APC2: variants seen among roughly 807,000 people sequenced by gnomAD.
APC2 encodes the protein APC regulator of Wnt signaling pathway 2, also known as adenomatous polyposis coli protein 2.
A neutral mutation model predicts 72.5 loss-of-function variants in APC2; 41 were observed. The ratio of observed to expected loss-of-function variants is 0.57; its 90% CI spans 0.44 to 0.73. The LOEUF (loss-of-function observed/expected upper bound fraction) is 0.73. Among genes scored for constraint, APC2 ranks in the 30% least tolerant of loss-of-function variants. The pLI is 0.00. For synonymous variants in APC2, 1,898 were observed against 1,612.0 expected, an observed-to-expected ratio of 1.18 and a Z score of -4.25; for missense variants, 3,729 against 3,403.4, an observed-to-expected ratio of 1.10 and a Z score of -2.38.
intron 10 of APC2, among the ~76,000 whole-genome samples, chr19:1,459,835 A>G (rs1290986682): frequency 6.6e-6 from 1 of 152,134 alleles, no homozygotes; most frequent in African/African-American, 2.4e-5. Flanking sequence ...TAGAGGACTC[A>G]GGGGGCCTTC....
chr19:1,450,601 C>A (rs2083731768), intron 1 of APC2, among the ~76,000 whole-genome samples: 2 of 152,224 alleles, frequency 1.3e-5, no homozygotes, highest in Non-Finnish European at 2.9e-5. Context: ...AGTGGTGTGT[C>A]TTCGGGGGTG....
At chr19:1,456,248 G>A in intron 7 of APC2, 58 bp from the exon 8 acceptor site, 2 of 1,564,176 alleles carry the variant, frequency 1.3e-6, no homozygotes, top group Non-Finnish European at 1.7e-6. Flanking sequence ...ACATCATCAC[G>A]GGTGAGCAGA....
intron 10 of APC2, among the ~76,000 whole-genome samples, chr19:1,459,943 C>T (rs961249412): frequency 1.3e-4 from 20 of 152,266 alleles, no homozygotes; most frequent in South Asian, 8.3e-4. Flanking sequence ...GAGCCAGGAC[C>T]GAGGGCTGAC....
At position 1,461,015 on chromosome 19, in the gene APC2, A is replaced by G. The variant is rs368704627; in HGVS notation, c.1522-22A>G. The G allele has an allele frequency of 1.3e-5, 21 of 1,612,672 alleles. No homozygotes were observed. The African/African-American group carries it at 2.5e-4, about 19-fold the overall frequency. On this transcript the variant is annotated intron_variant, in intron 12 of 14. Coordinates refer to ENST00000590469, the MANE Select transcript of APC2 (RefSeq NM_005883.3). ...GGGGCCTGGACCCTAGTCCCACCAC[A>G]CTTGCCCCTCACCCCACCCAGGTGG...
chr19:1,454,024 A>C (rs903108159), intron 4 of APC2, among the ~76,000 whole-genome samples: 5 of 152,316 alleles, frequency 3.3e-5, no homozygotes, highest in Admixed American at 2.6e-4. Flanking sequence ...GCTCAGGGCC[A>C]GCAGAGGGAG....
chr19:1,469,592 G>A lies in APC2; in HGVS notation c.6291G>A (p.Lys2097=). ...CCGCCGCCCGGCCGGAGACTGTCAA[G>A]CGCTACGCGTCGCTGCCGCACATCA... ...RAPAARPETV[K]RYASLPHISV... is the part of the protein sequence containing the mutation. The change falls in exon 15 of 15, where the codon AAG becomes AAA. Residue 2097 remains lysine (K), a synonymous_variant. Transcript: ENST00000590469. 1.6e-6 allele frequency: 2 copies of A among 1,259,632 alleles called. No homozygotes were observed. The highest frequency in any genetic ancestry group is 3.2e-5 in the Admixed American group (1 of 31,314). The allele number at this position is 1,259,632 out of a possible 1,614,324, so 78.0% of individuals were successfully genotyped here.
Position 1,468,799 on chromosome 19 carries a change from C to A in APC2, c.5498C>A (p.Pro1833Gln). 1.3e-6 allele frequency: 2 copies of A among 1,531,250 alleles called. No homozygotes were observed. The highest frequency in any genetic ancestry group is 8.8e-7 in the Non-Finnish European group (1 of 1,142,302). The allele number at this position is 1,531,250 out of a possible 1,614,324, so 94.9% of individuals were successfully genotyped here. ...CAGCCCGCGGCTCCAGCCAAAGTCC[C>A]GAGCCCCGGGCAGCAGCGGTCGCGG... The part of the protein sequence containing the change: ...LAQPAAPAKV[P>Q]SPGQQRSRSL... The change falls in exon 15 of 15, where the codon CCG becomes CAG. Residue 1833 changes from proline (P) to glutamine (Q), a missense_variant. Physicochemically the swap from Pro to Gln is moderately conservative, Grantham distance 76 (BLOSUM62 -1). Transcript: ENST00000590469.
intron 10 of APC2, 135 bp from the exon 11 acceptor site, chr19:1,460,046 G>C: frequency 2.4e-6 from 3 of 1,244,458 alleles, no homozygotes; most frequent in Non-Finnish European, 2.2e-6. Flanking sequence ...GGAGGTCTCA[G>C]ACTTGGGCCT....
At chr19:1,461,868 AAAC>A (rs1029023277) in intron 13 of APC2, 92 bp from the exon 14 acceptor site, 1 of 1,161,012 alleles carries the variant, frequency 8.6e-7, no homozygotes, top group African/African-American at 1.6e-5. Context: ...AAAAAACAAA[AAAC>A]AAAAAAACCC....
chr19:1,463,991 A>T (rs2083966621), intron 14 of APC2, among the ~76,000 whole-genome samples: 1 of 151,794 alleles, frequency 6.6e-6, no homozygotes, highest in Non-Finnish European at 1.5e-5. Context: ...CCCAGCCAAC[A>T]TGGTGAAACT....
Position 1,460,313 on chromosome 19 carries a change from C to T in APC2, c.1436C>T (p.Ala479Val), listed in dbSNP as rs765541294. Reference sequence around the variant, plus strand: ...ACCAACCTCACCTTTGGGGACGTTGCCAACAAGGTGCCCGGGGGCAGTGGG... The same window carrying T: ...ACCAACCTCACCTTTGGGGACGTTGTCAACAAGGTGCCCGGGGGCAGTGGG... The part of the protein sequence containing the change: ...TLTNLTFGDV[A>V]NKATLCARRG... Residue 479 changes from alanine to valine, a missense_variant, in exon 11 of 15, where the codon GCC (alanine) becomes GTC (valine). By Grantham distance (64) the Ala-to-Val change is moderately conservative. Coordinates refer to ENST00000590469, the MANE Select transcript of APC2 (RefSeq NM_005883.3). 20 of 1,613,430 alleles carry T rather than the reference C, an allele frequency of 1.2e-5. No individual in the cohort carries two copies. The Admixed American group carries it at 2.3e-4, about 19-fold the overall frequency.
upstream of APC2, among the ~76,000 whole-genome samples, chr19:1,447,842 C>T (rs1245075489): frequency 6.6e-6 from 1 of 152,148 alleles, no homozygotes; most frequent in Non-Finnish European, 1.5e-5. Flanking sequence ...TCAGGCAACA[C>T]GTTCCCTGGC....
chr19:1,458,187 C>G (rs530752200), intron 10 of APC2, 127 bp downstream of exon 10: 1 of 846,660 alleles, frequency 1.2e-6, no homozygotes, highest in Admixed American at 2.1e-5. Flanking sequence ...CGGAGAGGGA[C>G]AGACTCCCTG....
chr19:1,468,100 G>A lies in APC2; in HGVS notation c.4799G>A (p.Arg1600Gln), dbSNP rs766265412. The part of the protein sequence containing the change: ...EPSEPPAVHP[R>Q]GREPAVTKDP... ...TCGGAGCCGCCGGCCGTCCATCCAC[G>A]AGGCCGGGAGCCCGCGGTCACCAAG... Residue 1600 changes from arginine (R) to glutamine (Q), a missense_variant, in exon 15 of 15, where the codon CGA becomes CAA. By Grantham distance (43) the Arg-to-Gln change is conservative. Transcript: ENST00000590469. 2 of 1,530,286 alleles carry A rather than the reference G, an allele frequency of 1.3e-6. No homozygotes were observed. Among genetic ancestry groups the A allele is most frequent in the East Asian group, 2.6e-5 (1 of 38,468 alleles). 94.8% of individuals were successfully genotyped at this position (1,530,286 alleles called of 1,614,324 possible).
Position 1,469,949 on chromosome 19 carries a change from G to A in APC2, c.6648G>A (p.Gly2216=). 1 of 1,511,888 alleles carries A rather than the reference G, an allele frequency of 6.6e-7. No homozygotes were observed. The highest frequency in any genetic ancestry group is 8.8e-7 in the Non-Finnish European group (1 of 1,136,840). The allele number at this position is 1,511,888 out of a possible 1,614,324, so 93.7% of individuals were successfully genotyped here. The change falls in exon 15 of 15, where the codon GGG becomes GGA. Residue 2216 remains glycine, a synonymous_variant. Transcript: ENST00000590469. ...GCCTGGAGACCAGGGAGCCCCCCGGGGCCCCCGCCGGCGGCCAGCTCTCCC... is the reference window on the plus strand; with the variant it reads ...GCCTGGAGACCAGGGAGCCCCCCGGAGCCCCCGCCGGCGGCCAGCTCTCCC... The part of the protein sequence containing the change: ...SPSLETREPP[G]APAGGQLSLL...
In APC2 at chr19:1,452,953, T is replaced by C. The variant is rs1048804433; in HGVS notation, c.-18-31T>C. 6.2e-7 allele frequency: 1 copy of C among 1,602,998 alleles called. No homozygotes were observed. The highest frequency in any genetic ancestry group is 8.5e-7 in the Non-Finnish European group (1 of 1,175,284). ...GCATCACCGCGCCCTCCCCAGACCA[T>C]CAGCTGAACCCTCTGACCCTGTGAT... On this transcript the variant is annotated intron_variant, in intron 1 of 14. Coordinates refer to ENST00000590469, the MANE Select transcript of APC2 (RefSeq NM_005883.3). This position sits in a 1 kb window ranked among gnomAD's most constrained non-coding sequence, Gnocchi z 5.1.
chr19:1,460,993 GCCTGGA>G, intron 12 of APC2, 38 bp from the exon 13 acceptor site: 1 of 1,607,872 alleles, frequency 6.2e-7, no homozygotes, highest in Non-Finnish European at 8.5e-7. Context: ...GGTTTGGGGG[GCCTGGA>G]CCCTAGTCCC....
At position 1,455,274 on chromosome 19, in the gene APC2, G is replaced by T; in HGVS notation, c.522+17G>T. ...GTGGAGACGGTGAGCCGGCCGGGGA[G>T]CCAGGGGGCAGCGCGCCCGCCCCAC... On this transcript the variant is annotated intron_variant, in intron 5 of 14. Coordinates refer to ENST00000590469, the MANE Select transcript of APC2 (RefSeq NM_005883.3). 3 of 1,567,654 alleles carry T rather than the reference G, an allele frequency of 1.9e-6. No homozygotes were observed. The highest frequency in any genetic ancestry group is 2.6e-6 in the Non-Finnish European group (3 of 1,160,396).
chr19:1,460,659 G>C (rs2083908086), intron 11 of APC2, 121 bp from the exon 12 acceptor site: 1 of 1,074,806 alleles, frequency 9.3e-7, no homozygotes, highest in Non-Finnish European at 1.4e-6. Flanking sequence ...GTCCCCGGTA[G>C]TGGTCAGGAT....
Sources: allele counts gnomAD v4.1 joint callset (sites outside exome capture counted in the v4.1 genomes callset), GRCh38; gene constraint gnomAD v4.1.1; non-coding constraint Gnocchi (gnomAD v3.1); transcripts MANE v1.5; gene names NCBI Gene and HGNC (gene_info 2026-07-23, HGNC 2026-07-21).